The following LIPH variants were observed in gnomAD, a reference collection of about 807,000 sequenced individuals.
The protein encoded by LIPH is lipase member H.
Under a neutral mutation model 47.6 loss-of-function variants are expected in LIPH, and 32 were observed. The observed-to-expected ratio is 0.67, with a 90% CI of 0.51 to 0.90. LIPH has a LOEUF of 0.90. Among genes scored for constraint, LIPH ranks in the 40% least tolerant of loss-of-function variants. LIPH has a pLI of 0.00. For synonymous variants in LIPH, 190 were observed against 195.6 expected (o/e 0.97, Z 0.24); for missense variants, 497 against 541.4 (o/e 0.92, Z 0.81).
At chr3:185,525,152 T>C (rs934258574) in intron 4 of LIPH, among the ~76,000 whole-genome samples, 2 of 151,894 alleles carry the variant, frequency 1.3e-5, no homozygotes, top group African/African-American at 2.4e-5. Flanking sequence ...AGGAGGAGGG[T>C]GCCGTGAGCC....
intron 2 of LIPH, among the ~76,000 whole-genome samples, chr3:185,534,403 A>T (rs1720437117): frequency 6.6e-6 from 1 of 152,032 alleles, no homozygotes; most frequent in African/African-American, 2.4e-5. Context: ...AAACCAAGAA[A>T]TCCTAGACAG....
At chr3:185,522,650 A>AAGAAAGAAAGAAAAGAAAG (rs1235808164) in intron 5 of LIPH, among the ~76,000 whole-genome samples, 23 of 141,894 alleles carry the variant, frequency 1.6e-4, no homozygotes, top group African/African-American at 5.7e-4. Flanking sequence ...GAGAGAAAGA[A>AAGAAAGAAAGAAAAGAAAG]AAAGAAAGAA....
chr3:185,508,740 G>C lies in LIPH; in HGVS notation c.*50C>G, dbSNP rs1437007898. 10 of 1,308,096 alleles carry C rather than the reference G, an allele frequency of 7.6e-6. No individual in the cohort carries two copies. The highest frequency in any genetic ancestry group is 1.1e-5 in the Non-Finnish European group (10 of 901,148). 81.0% of individuals were successfully genotyped at this position (1,308,096 alleles called of 1,614,324 possible). ...GTGAGGTGAAGCTTTCAAACAGCCT[G>C]TGGTTGTAGCTTTCTTTCTATTATT... On this transcript the variant is annotated 3_prime_UTR_variant, in exon 10 of 10. Transcript: ENST00000296252.
At chr3:185,519,924 AT>A (rs1340286661) in intron 5 of LIPH, among the ~76,000 whole-genome samples, 1 of 149,536 alleles carries the variant, frequency 6.7e-6, no homozygotes, top group African/African-American at 2.5e-5. Context: ...CCAATGCTTG[AT>A]CCATAGATTG....
chr3:185,526,637 T>TAAA (rs1553822450), intron 4 of LIPH, among the ~76,000 whole-genome samples: 5 of 138,910 alleles, frequency 3.6e-5, no homozygotes, highest in African/African-American at 5.4e-5. Context: ...AAATATAAAA[T>TAAA]AAATAAAATA....
At chr3:185,533,509 A>T in intron 3 of LIPH, 62 bp downstream of exon 3, 1 of 1,077,780 alleles carries the variant, frequency 9.3e-7, no homozygotes, top group Non-Finnish European at 1.4e-6. Context: ...TGGCCTACAT[A>T]ATACTCCCCC....
At chr3:185,515,570 G>A (rs1039352447) in intron 7 of LIPH, among the ~76,000 whole-genome samples, 2 of 151,718 alleles carry the variant, frequency 1.3e-5, no homozygotes, top group Non-Finnish European at 2.9e-5. Flanking sequence ...GTGCAGTGGC[G>A]TAATCTCGGT....
chr3:185,513,142 A>C (rs1719622467), intron 8 of LIPH, among the ~76,000 whole-genome samples: 1 of 152,114 alleles, frequency 6.6e-6, no homozygotes, highest in Non-Finnish European at 1.5e-5. Context: ...AGAGATCGAG[A>C]TCATCCTGGC....
rs548241065 is a variant in LIPH, at chr3:185,522,626, A to T, written c.718+1445T>A. On this transcript the variant is annotated intron_variant, in intron 5 of 9. Transcript: ENST00000296252. ...AAGGAAGGGAGGGAGAGAGAAAGAA[A>T]GAAGGAAAAGAAAGAGAGAAAGAAA... Among the ~76,000 whole-genome samples, 19 of 106,424 alleles carry T rather than the reference A, an allele frequency of 1.8e-4. No homozygotes were observed. The South Asian group carries it at 5.1e-3, about 29-fold the overall frequency. The allele number at this position is 106,424 out of a possible 152,430, so 69.8% of individuals were successfully genotyped here. A position where few individuals can be genotyped will look rare whatever the true frequency, so the allele number is the denominator to read the frequency against.
intron 9 of LIPH, among the ~76,000 whole-genome samples, chr3:185,510,847 A>C (rs1352936544): frequency 6.6e-6 from 1 of 152,190 alleles, no homozygotes; most frequent in Non-Finnish European, 1.5e-5. Context: ...GCTCTGTTTA[A>C]TCAGCTTGCC....
chr3:185,527,226 G>A (rs893769008), intron 4 of LIPH, among the ~76,000 whole-genome samples: 2 of 151,970 alleles, frequency 1.3e-5, no homozygotes, highest in Non-Finnish European at 2.9e-5. Flanking sequence ...GCGACAGAGC[G>A]AGACTCTGTC....
intron 1 of LIPH, among the ~76,000 whole-genome samples, chr3:185,538,934 T>C (rs1296308735): frequency 6.9e-6 from 1 of 145,010 alleles, no homozygotes; most frequent in South Asian, 2.1e-4. Flanking sequence ...TACACATATA[T>C]ACATATATAT....
chr3:185,508,734 C>T lies in LIPH; in HGVS notation c.*56G>A, dbSNP rs570625304. The T allele has an allele frequency of 3.3e-5, 42 of 1,277,680 alleles. No homozygotes were observed. In the African/African-American group the frequency reaches 5.3e-4, roughly 16 times the overall value. 79.1% of individuals were successfully genotyped at this position (1,277,680 alleles called of 1,614,324 possible). A position where few individuals can be genotyped will look rare whatever the true frequency, so the allele number is the denominator to read the frequency against. On this transcript the variant is annotated 3_prime_UTR_variant, in exon 10 of 10. Transcript: ENST00000296252. ...AGAAAGGTGAGGTGAAGCTTTCAAA[C>T]AGCCTGTGGTTGTAGCTTTCTTTCT...
intron 5 of LIPH, among the ~76,000 whole-genome samples, chr3:185,522,593 GA>G (rs1310851809): frequency 6.9e-6 from 1 of 144,384 alleles, no homozygotes; most frequent in African/African-American, 2.5e-5. Flanking sequence ...CAAGGAGAGA[GA>G]AAAAAGAAGG....
intron 7 of LIPH, 152 bp downstream of exon 7, chr3:185,516,915 T>C (rs1405702423): frequency 2.8e-6 from 2 of 704,968 alleles, no homozygotes; most frequent in African/African-American, 3.5e-5. Flanking sequence ...AGCTATTATG[T>C]GGTAGACTCA....
chr3:185,514,545 G>A (rs760550489), intron 7 of LIPH, 24 bp from the exon 8 acceptor site: 2 of 890,634 alleles, frequency 2.2e-6, no homozygotes, highest in East Asian at 2.4e-5. Flanking sequence ...AGAGAACACG[G>A]TAAGAGAGAG....
At chr3:185,521,227 C>T (rs1719892556) in intron 5 of LIPH, among the ~76,000 whole-genome samples, 1 of 152,184 alleles carries the variant, frequency 6.6e-6, no homozygotes, top group Non-Finnish European at 1.5e-5. Context: ...AATGTATGGA[C>T]TTTACCTATT....
At chr3:185,517,542 T>C (rs752577183) in intron 6 of LIPH, among the ~76,000 whole-genome samples, 2 of 152,190 alleles carry the variant, frequency 1.3e-5, no homozygotes, top group Non-Finnish European at 2.9e-5. Flanking sequence ...TGAAAACCAA[T>C]ATGCTTTCTT....
At chr3:185,529,423 T>TC (rs1307500771) in intron 3 of LIPH, among the ~76,000 whole-genome samples, 5 of 148,416 alleles carry the variant, frequency 3.4e-5, no homozygotes, top group Admixed American at 6.7e-5. Context: ...TTTTTCTTTT[T>TC]TTTTTTTTAA....
Sources: allele counts gnomAD v4.1 joint callset (sites outside exome capture counted in the v4.1 genomes callset), GRCh38; gene constraint gnomAD v4.1.1; transcripts MANE v1.5; gene names NCBI Gene and HGNC (gene_info 2026-07-23, HGNC 2026-07-21).